The following ZC3H12B variants were observed in gnomAD, a reference collection of about 807,000 sequenced individuals.
ZC3H12B encodes probable ribonuclease ZC3H12B.
ZC3H12B carries 7 observed loss-of-function variants against 43.9 expected under a neutral mutation model. That is an observed-to-expected ratio of 0.16 (90% CI 0.09 to 0.30). The LOEUF is 0.30. ZC3H12B is among the 10% of genes least tolerant of loss of function. The probability of loss-of-function intolerance (pLI) is 1.00; values close to 1 mark genes in which losing one functional copy is unlikely to be tolerated. For missense variants in ZC3H12B, 475 were observed against 670.2 expected (o/e 0.71, Z 3.22); for synonymous variants, 222 against 241.7 (o/e 0.92, Z 0.76).
At chrX:65,058,777 G>A in the ZC3H12B span, among the ~76,000 whole-genome samples, 9 of 111,793 alleles carry the variant, frequency 8.1e-5, no homozygotes, top group Admixed American at 2.8e-4. Flanking sequence ...CAGCAGTGGC[G>A]GCCGCTCTTC....
At chrX:65,289,947 G>A in the ZC3H12B span, among the ~76,000 whole-genome samples, 1 of 110,826 alleles carries the variant, frequency 9.0e-6, no homozygotes, top group Non-Finnish European at 1.9e-5. Context: ...CCATCCTCAA[G>A]AGTATAGTCA....
At chrX:65,056,557 G>T in the ZC3H12B span, among the ~76,000 whole-genome samples, 1 of 111,854 alleles carries the variant, frequency 8.9e-6, no homozygotes, top group African/African-American at 3.3e-5. Flanking sequence ...TGAGAAGAAT[G>T]TATATTCTGT....
chrX:65,240,287 CT>C, the ZC3H12B span, among the ~76,000 whole-genome samples: 1 of 110,878 alleles, frequency 9.0e-6, no homozygotes, highest in African/African-American at 3.3e-5. Context: ...TTTTTTTTCC[CT>C]TTTTGTTTTG....
chrX:65,102,414 G>A, the ZC3H12B span, among the ~76,000 whole-genome samples: 1 of 111,834 alleles, frequency 8.9e-6, no homozygotes, highest in Admixed American at 9.5e-5. Flanking sequence ...GAAATAAAAG[G>A]TATTCAGATA....
At chrX:65,382,666 C>T (rs1429091013) in intron 2 of ZC3H12B, among the ~76,000 whole-genome samples, 16 of 111,440 alleles carry the variant, frequency 1.4e-4, no homozygotes, top group African/African-American at 4.9e-4. Context: ...TCAAATTGTC[C>T]GTGTTTGCAG....
the ZC3H12B span, among the ~76,000 whole-genome samples, chrX:65,146,324 C>T: frequency 9.0e-6 from 1 of 111,594 alleles, no homozygotes; most frequent in Non-Finnish European, 1.9e-5. Flanking sequence ...CCATTGTTTC[C>T]TGATATTTTG....
the ZC3H12B span, among the ~76,000 whole-genome samples, chrX:65,195,917 T>G: frequency 8.9e-6 from 1 of 112,119 alleles, no homozygotes; most frequent in Non-Finnish European, 1.9e-5. Flanking sequence ...CTAGTGGTGT[T>G]TACTCACAAC....
At chrX:65,342,739 T>C in the ZC3H12B span, among the ~76,000 whole-genome samples, 3 of 101,508 alleles carry the variant, frequency 3.0e-5, no homozygotes, top group Admixed American at 2.2e-4. Context: ...ACATCACAAC[T>C]AAAGGAACTA....
chrX:65,472,196 G>A (rs2067924202), intron 3 of ZC3H12B, among the ~76,000 whole-genome samples: 1 of 111,611 alleles, frequency 9.0e-6, no homozygotes, highest in South Asian at 3.7e-4. Flanking sequence ...CTGGAGAAGT[G>A]TCTATTTAGG....
At chrX:65,244,476 G>C in the ZC3H12B span, among the ~76,000 whole-genome samples, 1 of 109,650 alleles carries the variant, frequency 9.1e-6, no homozygotes, top group Non-Finnish European at 1.9e-5. Context: ...TAGGTGTGGT[G>C]GCTCACAACT....
At chrX:65,360,475 G>A in the ZC3H12B span, among the ~76,000 whole-genome samples, 1 of 111,640 alleles carries the variant, frequency 9.0e-6, no homozygotes, top group Non-Finnish European at 1.9e-5. Flanking sequence ...AGCTATTGGG[G>A]GAATGCAAAT....
the ZC3H12B span, among the ~76,000 whole-genome samples, chrX:65,113,627 A>G: frequency 9.1e-6 from 1 of 109,948 alleles, no homozygotes; most frequent in Non-Finnish European, 1.9e-5. Context: ...ATGAGAATCC[A>G]TTGATGTTGC....
the ZC3H12B span, among the ~76,000 whole-genome samples, chrX:65,177,891 C>A: frequency 2.7e-5 from 3 of 111,895 alleles, no homozygotes; most frequent in Admixed American, 9.5e-5. Context: ...ATCAAACAAC[C>A]ATTGACTTTC....
At chrX:65,385,933 A>G (rs1569387513) in intron 2 of ZC3H12B, among the ~76,000 whole-genome samples, 2 of 112,217 alleles carry the variant, frequency 1.8e-5, no homozygotes, top group Non-Finnish European at 3.8e-5. Flanking sequence ...TTCTGTTGAT[A>G]TGCTGGATTA....
chrX:65,350,917 G>T, the ZC3H12B span, among the ~76,000 whole-genome samples: 6 of 111,796 alleles, frequency 5.4e-5, no homozygotes, highest in Admixed American at 5.7e-4. Flanking sequence ...TAGATTCAAT[G>T]CTATCCCCAT....
At chrX:65,379,359 C>T (rs1436360515) in intron 2 of ZC3H12B, among the ~76,000 whole-genome samples, 1 of 110,859 alleles carries the variant, frequency 9.0e-6, no homozygotes, top group Non-Finnish European at 1.9e-5. Flanking sequence ...GGACACCTCA[C>T]ACGGCCGGGT....
chrX:65,408,513 C>T (rs2066864245), intron 3 of ZC3H12B: 10 of 1,207,057 alleles, frequency 8.3e-6, no homozygotes, highest in East Asian at 3.0e-5. Flanking sequence ...GTTCCCCTTA[C>T]GCCTCACCCT....
the ZC3H12B span, among the ~76,000 whole-genome samples, chrX:65,323,987 G>A: frequency 1.8e-5 from 2 of 112,142 alleles, no homozygotes; most frequent in African/African-American, 6.5e-5. Flanking sequence ...CCGCATAGAT[G>A]TTGTCTTTTG....
chrX:65,151,400 A>G, the ZC3H12B span, among the ~76,000 whole-genome samples: 1 of 112,214 alleles, frequency 8.9e-6, no homozygotes, highest in Non-Finnish European at 1.9e-5. Context: ...CAGAGAAAAA[A>G]TTGACATGTA....
Sources: gnomAD v4.1 joint callset for allele counts (sites outside exome capture counted in the v4.1 genomes callset) on GRCh38, gnomAD v4.1.1 for gene constraint, MANE v1.5 for transcripts, NCBI Gene and HGNC (gene_info 2026-07-23, HGNC 2026-07-21) for gene names.